The following ADCY2 variants were observed in gnomAD, a reference collection of about 807,000 sequenced individuals.
ADCY2 encodes adenylate cyclase 2, also known as adenylate cyclase type 2.
ADCY2 carries 31 observed loss-of-function variants against 125.2 expected under a neutral mutation model. The ratio of observed to expected loss-of-function variants is 0.25; its 90% CI spans 0.19 to 0.33. The LOEUF is 0.33. ADCY2 is among the 10% of genes least tolerant of loss of function. The pLI is 1.00. For synonymous variants in ADCY2, 512 were observed against 548.4 expected (o/e 0.93, Z 0.93); for missense variants, 904 against 1,418.2 (o/e 0.64, Z 5.82).
intron 7 of ADCY2, among the ~76,000 whole-genome samples, chr5:7,700,384 C>G (rs930398487): frequency 6.6e-6 from 1 of 152,022 alleles, no homozygotes; most frequent in Non-Finnish European, 1.5e-5. Flanking sequence ...TTTGTAGAAG[C>G]CAGAATATTC....
At chr5:7,695,116 G>A (rs111840772) in intron 5 of ADCY2, among the ~76,000 whole-genome samples, 63 of 152,278 alleles carry the variant, frequency 4.1e-4, no homozygotes, top group African/African-American at 1.2e-3. Flanking sequence ...GTTGCAGTGC[G>A]CACACAGGTG....
At chr5:7,822,852 A>G (rs1223259145) in intron 24 of ADCY2, among the ~76,000 whole-genome samples, 2 of 152,236 alleles carry the variant, frequency 1.3e-5, no homozygotes, top group African/African-American at 4.8e-5. Flanking sequence ...TGGAAAATTT[A>G]TATGAAAGTC....
At chr5:7,562,880 T>C (rs1316087726) in intron 3 of ADCY2, among the ~76,000 whole-genome samples, 2 of 152,222 alleles carry the variant, frequency 1.3e-5, no homozygotes, top group African/African-American at 4.8e-5. Context: ...GAACCACCTT[T>C]GTAGGGCAAT....
At chr5:7,647,451 T>A (rs1462682124) in intron 4 of ADCY2, among the ~76,000 whole-genome samples, 1 of 152,188 alleles carries the variant, frequency 6.6e-6, no homozygotes, top group East Asian at 1.9e-4. Context: ...ACAGTGCATG[T>A]GGGCCCTGTG....
At chr5:7,524,458 A>G (rs1734374623) in intron 3 of ADCY2, among the ~76,000 whole-genome samples, 1 of 151,962 alleles carries the variant, frequency 6.6e-6, no homozygotes, top group African/African-American at 2.4e-5. Flanking sequence ...GACCCTGTTC[A>G]AGTTCCTCCA....
chr5:7,494,930 A>G (rs908467045), intron 2 of ADCY2, among the ~76,000 whole-genome samples: 1 of 152,220 alleles, frequency 6.6e-6, no homozygotes, highest in African/African-American at 2.4e-5. Flanking sequence ...CTGAGAGAAC[A>G]CCGGACCAGC....
Position 7,427,414 on chromosome 5 carries a change from C to A in ADCY2, c.408+12644C>A, listed in dbSNP as rs542530503. ...ATCATGGCAGAAGGTGAAGAAGAAG[C>A]AAGGCACCTTCTTCACAAGACAGCA... is the stretch of plus-strand genomic sequence containing the variant. On this transcript the variant is annotated intron_variant, in intron 2 of 24. Transcript: ENST00000338316. Among the ~76,000 whole-genome samples, 3 of 152,242 alleles carry A rather than the reference C, an allele frequency of 2.0e-5. No individual in the cohort carries two copies. In the South Asian group the frequency reaches 6.2e-4, roughly 32 times the overall value.
Position 7,766,784 on chromosome 5 carries a change from C to A in ADCY2, c.2192C>A (p.Ala731Glu). The change falls in exon 17 of 25, where the codon GCG (alanine) becomes GAG (glutamate). Residue 731 changes from alanine (A) to glutamate (E), a missense_variant. Coordinates refer to ENST00000338316, the MANE Select transcript of ADCY2 (RefSeq NM_020546.3). ...AATAATCAGGTGGCGATTCTGCGTGCGCAGAATTTATTTTTCCTCCCGGTA... is the reference window on the plus strand; with the variant it reads ...AATAATCAGGTGGCGATTCTGCGTGAGCAGAATTTATTTTTCCTCCCGGTA... ...ASNNQVAILR[A>E]QNLFFLPYFI... 1 of 1,608,610 alleles carries A rather than the reference C, an allele frequency of 6.2e-7. No individual in the cohort carries two copies. Among genetic ancestry groups the A allele is most frequent in the Non-Finnish European group, 8.5e-7 (1 of 1,178,812 alleles).
chr5:7,811,642 G>A (rs555542084), intron 22 of ADCY2, among the ~76,000 whole-genome samples: 2 of 151,988 alleles, frequency 1.3e-5, no homozygotes, highest in South Asian at 4.2e-4. Flanking sequence ...CCAATGGCAG[G>A]CCTGGGTTTG....
At chr5:7,792,815 G>A (rs539092995) in intron 20 of ADCY2, among the ~76,000 whole-genome samples, 1 of 152,294 alleles carries the variant, frequency 6.6e-6, no homozygotes, top group South Asian at 2.1e-4. Flanking sequence ...GAGCCTCGCC[G>A]TCCTCATCCA....
intron 24 of ADCY2, among the ~76,000 whole-genome samples, chr5:7,825,856 A>G (rs1451903303): frequency 6.6e-6 from 1 of 152,244 alleles, no homozygotes; most frequent in Non-Finnish European, 1.5e-5. Flanking sequence ...TCAGGGAGCC[A>G]GTACTGGACA....
intron 4 of ADCY2, among the ~76,000 whole-genome samples, chr5:7,688,515 C>G (rs1208180145): frequency 6.6e-6 from 1 of 151,974 alleles, no homozygotes; most frequent in African/African-American, 2.4e-5. Flanking sequence ...GTGATCTGCC[C>G]GCATCAGCCT....
intron 4 of ADCY2, among the ~76,000 whole-genome samples, chr5:7,690,247 G>T (rs1740664115): frequency 6.6e-6 from 1 of 152,322 alleles, no homozygotes; most frequent in African/African-American, 2.4e-5. Context: ...TTTAAGAAAT[G>T]TGGAATAGGT....
intron 3 of ADCY2, among the ~76,000 whole-genome samples, chr5:7,529,824 T>C (rs941548211): frequency 6.6e-6 from 1 of 152,192 alleles, no homozygotes. Flanking sequence ...GAGTTGAGGG[T>C]ATAAACTCCT....
chr5:7,806,119 T>C (rs758816765), intron 22 of ADCY2, among the ~76,000 whole-genome samples: 3 of 152,192 alleles, frequency 2.0e-5, no homozygotes, highest in Admixed American at 2.0e-4. Flanking sequence ...TTAGGGTTTT[T>C]TCCAGAACAT....
intron 1 of ADCY2, among the ~76,000 whole-genome samples, chr5:7,406,084 T>C (rs993534197): frequency 1.3e-4 from 20 of 151,986 alleles, no homozygotes; most frequent in Admixed American, 1.3e-3. Flanking sequence ...GGTCTCAAAC[T>C]CCTGGGCCCA....
intron 3 of ADCY2, among the ~76,000 whole-genome samples, chr5:7,557,201 A>ATATATATATATATATATATATG: frequency 2.1e-4 from 30 of 140,106 alleles, no homozygotes; most frequent in African/African-American, 3.7e-4. Context: ...TGATATATAT[A>ATATATATATATATATATATATG]ACTCAAGTGA....
chr5:7,810,307 T>G (rs1744894905), intron 22 of ADCY2, among the ~76,000 whole-genome samples: 1 of 152,122 alleles, frequency 6.6e-6, no homozygotes, highest in Non-Finnish European at 1.5e-5. Context: ...GTTATCTACC[T>G]GATTGGTGGG....
chr5:7,503,599 G>GT (rs1364077836), intron 2 of ADCY2, among the ~76,000 whole-genome samples: 14 of 152,260 alleles, frequency 9.2e-5, no homozygotes, highest in Non-Finnish European at 1.3e-4. Flanking sequence ...TCTGGACAAG[G>GT]TGCTTCACCT....
Sources: allele counts gnomAD v4.1 joint callset (sites outside exome capture counted in the v4.1 genomes callset), GRCh38; gene constraint gnomAD v4.1.1; transcripts MANE v1.5; gene names NCBI Gene and HGNC (gene_info 2026-07-23, HGNC 2026-07-21).